Variants in ANOS1 observed in about 807,000 individuals in gnomAD.
ANOS1 encodes the protein anosmin 1.
In ANOS1, 6 loss-of-function variants were observed where a neutral mutation model predicts 59.0. The observed-to-expected ratio is 0.10, with a 90% confidence interval of 0.06 to 0.20. ANOS1 has a LOEUF of 0.20. Ranked by LOEUF, ANOS1 falls within the 10% of genes least tolerant of loss-of-function variation. ANOS1 has a pLI of 1.00. For synonymous variants in ANOS1, 217 were observed against 223.4 expected (o/e 0.97, Z 0.25); for missense variants, 433 against 542.3 (o/e 0.80, Z 2.00).
intron 9 of ANOS1, 48 bp downstream of exon 9, chrX:8,553,904 C>T: frequency 9.0e-6 from 10 of 1,105,154 alleles, no homozygotes; most frequent in Non-Finnish European, 1.3e-5. Flanking sequence ...CTCTATATTA[C>T]TGTGCTGTTT....
At chrX:8,594,385 C>T (rs984406152) in intron 4 of ANOS1, among the ~76,000 whole-genome samples, 2 of 107,648 alleles carry the variant, frequency 1.9e-5, no homozygotes, top group African/African-American at 6.8e-5. Context: ...TGGGTTAGAA[C>T]GGACACTTTC....
intron 6 of ANOS1, among the ~76,000 whole-genome samples, chrX:8,584,904 A>G (rs1930484678): frequency 8.9e-6 from 1 of 112,061 alleles, no homozygotes; most frequent in African/African-American, 3.2e-5. Flanking sequence ...AAGAAAGGCT[A>G]TTTTGTCTAG....
intron 2 of ANOS1, among the ~76,000 whole-genome samples, chrX:8,636,480 CTTA>C (rs913857590): frequency 1.8e-5 from 2 of 112,067 alleles, no homozygotes; most frequent in African/African-American, 6.5e-5. Context: ...ATGCTGTTGG[CTTA>C]TTGTTTCCAA....
At chrX:8,663,758 T>G (rs1380132011) in intron 2 of ANOS1, among the ~76,000 whole-genome samples, 1 of 111,818 alleles carries the variant, frequency 8.9e-6, no homozygotes, top group African/African-American at 3.3e-5. Flanking sequence ...AATCAACCAC[T>G]AATCCCAGGA....
intron 2 of ANOS1, among the ~76,000 whole-genome samples, chrX:8,634,770 A>G (rs896107216): frequency 8.9e-6 from 1 of 112,030 alleles, no homozygotes; most frequent in African/African-American, 3.2e-5. Context: ...AGCTGGCATT[A>G]TTAAAAAGCT....
chrX:8,561,466 A>ATTTT (rs34119310), intron 8 of ANOS1, among the ~76,000 whole-genome samples: 3 of 67,059 alleles, frequency 4.5e-5, no homozygotes, highest in Non-Finnish European at 8.3e-5. Context: ...TGCCCGGCTA[A>ATTTT]TTTTTTTTTT....
chrX:8,546,050 A>G (rs929508365), intron 9 of ANOS1, among the ~76,000 whole-genome samples: 3 of 112,318 alleles, frequency 2.7e-5, no homozygotes, highest in African/African-American at 9.7e-5. Context: ...AAAAAAATCC[A>G]GAAAATCCAG....
chrX:8,629,867 G>A (rs1323225949), intron 2 of ANOS1, among the ~76,000 whole-genome samples: 1 of 112,463 alleles, frequency 8.9e-6, no homozygotes, highest in Non-Finnish European at 1.9e-5. Flanking sequence ...AGTGGAACTC[G>A]TGATCAGATT....
chrX:8,731,831 T>A lies in ANOS1; in HGVS notation c.206A>T (p.Gln69Leu), dbSNP rs1306625386. 8.4e-7 allele frequency: 1 copy of A among 1,188,114 alleles called. No individual in the cohort carries two copies. The highest frequency in any genetic ancestry group is 2.2e-5 in the Admixed American group (1 of 44,613). The change falls in exon 1 of 14, where the codon CAG becomes CTG. Residue 69 changes from glutamine to leucine, a missense_variant and splice_region_variant. Physicochemically the swap from Gln to Leu is moderately radical, Grantham distance 113 (BLOSUM62 -2). Transcript: ENST00000262648. Reference protein sequence around the residue: ...TRISAFFQHFQNNGSLVWCQN... With the variant: ...TRISAFFQHFLNNGSLVWCQN... Reference sequence around the variant, plus strand: ...ACCCGGGCGGGGGCCTCCCCGTACCTGGAAGTGCTGGAAGAAGGCGGAGAT... The same window carrying A: ...ACCCGGGCGGGGGCCTCCCCGTACCAGGAAGTGCTGGAAGAAGGCGGAGAT...
intron 9 of ANOS1, among the ~76,000 whole-genome samples, chrX:8,549,293 T>C (rs911934517): frequency 8.9e-6 from 1 of 112,492 alleles, no homozygotes; most frequent in African/African-American, 3.2e-5. Context: ...TATATATGTG[T>C]ACATGTGTGT....
At chrX:8,600,180 A>T (rs1353905639) in intron 3 of ANOS1, among the ~76,000 whole-genome samples, 1 of 112,541 alleles carries the variant, frequency 8.9e-6, no homozygotes, top group Non-Finnish European at 1.9e-5. Flanking sequence ...CCACAATTTT[A>T]AAAAAACACT....
chrX:8,542,470 G>T (rs893421265), intron 9 of ANOS1, among the ~76,000 whole-genome samples: 33 of 109,189 alleles, frequency 3.0e-4, no homozygotes, highest in Non-Finnish European at 5.3e-4. Context: ...AATAGGTTTG[G>T]TGTGTTTTAA....
At chrX:8,647,659 T>A (rs1334116565) in intron 2 of ANOS1, among the ~76,000 whole-genome samples, 1 of 112,177 alleles carries the variant, frequency 8.9e-6, no homozygotes, top group Non-Finnish European at 1.9e-5. Context: ...AGTGAACTCT[T>A]AGCTTTTGAG....
intron 8 of ANOS1, among the ~76,000 whole-genome samples, chrX:8,556,019 G>A (rs941256859): frequency 8.9e-6 from 1 of 112,256 alleles, no homozygotes; most frequent in African/African-American, 3.2e-5. Flanking sequence ...CTTCATCCCT[G>A]GGATGCAAGG....
intron 3 of ANOS1, among the ~76,000 whole-genome samples, chrX:8,622,950 GGATA>G (rs922954329): frequency 6.3e-5 from 7 of 111,620 alleles, no homozygotes; most frequent in East Asian, 5.6e-4. Context: ...ATGAATGGAT[GGATA>G]GATAGACAAA....
rs989464670 is a variant in ANOS1 at position 8,532,791 on chromosome X, T to C, written c.*204A>G. The C allele has an allele frequency of 1.3e-5, 5 of 398,490 alleles. No individual in the cohort carries two copies. Among genetic ancestry groups the C allele is most frequent in the African/African-American group, 1.0e-4 (4 of 39,723 alleles). 32.8% of individuals were successfully genotyped at this position (398,490 alleles called of 1,213,427 possible). Reference sequence around the variant, plus strand: ...CATTTTCTCCATGCTTGTAGGGAACTGGTGTCTGTCTTCACCAATCTACTG... The same window carrying C: ...CATTTTCTCCATGCTTGTAGGGAACCGGTGTCTGTCTTCACCAATCTACTG... On this transcript the variant is annotated 3_prime_UTR_variant, in exon 14 of 14. Transcript: ENST00000262648.
intron 3 of ANOS1, among the ~76,000 whole-genome samples, chrX:8,615,760 GATTCTCATGTATCCATGA>G (rs1042040792): frequency 9.1e-5 from 10 of 110,386 alleles, no homozygotes; most frequent in African/African-American, 3.3e-4. Flanking sequence ...TGCATCCATG[GATTCTCATGTATCCATGA>G]ATTCTCATGC....
chrX:8,693,234 T>A (rs913746592), intron 2 of ANOS1, among the ~76,000 whole-genome samples: 4 of 112,209 alleles, frequency 3.6e-5, no homozygotes. Flanking sequence ...CTCAGGTTCC[T>A]GAAGCGCACA....
At chrX:8,574,837 A>G (rs1930294169) in intron 6 of ANOS1, among the ~76,000 whole-genome samples, 1 of 111,380 alleles carries the variant, frequency 9.0e-6, no homozygotes, top group African/African-American at 3.3e-5. Context: ...TCCCCTTTAT[A>G]TATACATCTA....
Sources: gnomAD v4.1 joint callset for allele counts (sites outside exome capture counted in the v4.1 genomes callset) on GRCh38, gnomAD v4.1.1 for gene constraint, MANE v1.5 for transcripts, NCBI Gene and HGNC (gene_info 2026-07-23, HGNC 2026-07-21) for gene names.